Variants in PRH1 observed in about 807,000 individuals in gnomAD.
PRH1 encodes proline rich protein HaeIII subfamily 1.
A neutral mutation model predicts 7.9 loss-of-function variants in PRH1; 7 were observed. The observed-to-expected ratio is 0.89, with a 90% CI of 0.50 to 1.67. The LOEUF (loss-of-function observed/expected upper bound fraction) is 1.67. Among genes scored for constraint, PRH1 ranks in the 40% most tolerant of loss-of-function variants. The pLI, the probability that PRH1 is intolerant of heterozygous loss-of-function variation, is 0.00. For synonymous variants in PRH1, 45 were observed against 80.8 expected (o/e 0.56, Z 2.38); for missense variants, 109 against 223.6 (o/e 0.49, Z 3.27).
chr12:10,913,854 TTG>T (rs1949935530), intron 2 of PRH1, among the ~76,000 whole-genome samples: 1 of 152,214 alleles, frequency 6.6e-6, no homozygotes, highest in Admixed American at 6.5e-5. Context: ...CTGGATTCTT[TTG>T]TGACCACTAT....
chr12:11,059,606 A>C (rs1943503729), intron 1 of PRH1, among the ~76,000 whole-genome samples: 1 of 136,620 alleles, frequency 7.3e-6, no homozygotes, highest in South Asian at 2.2e-4. Context: ...AAAATATTGT[A>C]ATAGGCGCCA....
At chr12:10,931,494 T>C (rs1005616272) in intron 2 of PRH1, among the ~76,000 whole-genome samples, 2 of 152,212 alleles carry the variant, frequency 1.3e-5, no homozygotes, top group African/African-American at 4.8e-5. Flanking sequence ...CTTGGACTTT[T>C]AGCTGTTAAA....
chr12:11,017,487 T>TAA (rs57570812), intron 1 of PRH1, among the ~76,000 whole-genome samples: 34,383 of 151,844 alleles, frequency 0.23, 3,934 homozygotes, highest in Non-Finnish European at 0.24. Flanking sequence ...ATTAATTAAT[T>TAA]TATTTATTTA....
chr12:10,964,900 C>T, intron 2 of PRH1: 1 of 574,754 alleles, frequency 1.7e-6, no homozygotes, highest in South Asian at 1.7e-5. Context: ...TCCACATACT[C>T]TCATCCATGT....
upstream of PRH1, among the ~76,000 whole-genome samples, chr12:10,888,388 C>G (rs1949524656): frequency 6.6e-6 from 1 of 152,196 alleles, no homozygotes; most frequent in African/African-American, 2.4e-5. Flanking sequence ...CCCATCTAGA[C>G]CTGGTTTGGC....
intron 1 of PRH1, among the ~76,000 whole-genome samples, chr12:11,052,311 C>T (rs1279129026): frequency 6.6e-6 from 1 of 152,244 alleles, no homozygotes; most frequent in Non-Finnish European, 1.5e-5. Flanking sequence ...TGAAGGTCTA[C>T]TACTCTTTGG....
chr12:11,097,181 G>A lies in PRH1; in HGVS notation n.124-49993C>T, dbSNP rs528527313. 35 of 216,524 alleles carry A rather than the reference G, an allele frequency of 1.6e-4. 11 individuals are homozygous for A. The highest frequency in any genetic ancestry group is 9.4e-4 in the African/African-American group (35 of 37,050). The allele number at this position is 216,524 out of a possible 1,614,324, so 13.4% of individuals were successfully genotyped here. A position where few individuals can be genotyped will look rare whatever the true frequency, so the allele number is the denominator to read the frequency against. On this transcript the variant is annotated intron_variant and non_coding_transcript_variant, in intron 1 of 4. Coordinates refer to the PRH1 transcript ENST00000541977. ...TCAAATAGTAAAACATTACTTACGA[G>A]TTTATCAACAAATGAAGGACATCTG...
intron 1 of PRH1, among the ~76,000 whole-genome samples, chr12:11,156,364 T>C (rs893257417): frequency 2.6e-5 from 4 of 152,022 alleles, no homozygotes; most frequent in Non-Finnish European, 5.9e-5. Flanking sequence ...GTCTGAGGTT[T>C]GTTGGTTTCT....
At chr12:10,999,773 C>T (rs899397220) in intron 1 of PRH1, among the ~76,000 whole-genome samples, 7 of 152,128 alleles carry the variant, frequency 4.6e-5, no homozygotes, top group African/African-American at 1.7e-4. Flanking sequence ...ACCCTAAACT[C>T]CACAGCTTGG....
intron 1 of PRH1, among the ~76,000 whole-genome samples, chr12:11,072,009 CTTT>C (rs1944092840): frequency 6.6e-6 from 1 of 152,060 alleles, no homozygotes; most frequent in South Asian, 2.1e-4. Flanking sequence ...AGGCCTCACT[CTTT>C]TTAACTGGAT....
chr12:11,149,326 T>C (rs1208042464), intron 1 of PRH1, among the ~76,000 whole-genome samples: 2 of 152,224 alleles, frequency 1.3e-5, no homozygotes, highest in Non-Finnish European at 1.5e-5. Context: ...TGCCTTCTGC[T>C]AGCTTTTGAA....
chr12:11,123,659 G>A (rs1945995059), intron 1 of PRH1, among the ~76,000 whole-genome samples: 1 of 151,958 alleles, frequency 6.6e-6, no homozygotes, highest in South Asian at 2.1e-4. Flanking sequence ...CAGAACTCCA[G>A]AAGTATGTTA....
At chr12:10,894,584 C>T (rs1355317240) in intron 2 of PRH1, among the ~76,000 whole-genome samples, 1 of 152,050 alleles carries the variant, frequency 6.6e-6, no homozygotes, top group East Asian at 1.9e-4. Context: ...TATATACACT[C>T]TATACACATA....
At chr12:10,979,792 CAG>C (rs1939268086) in intron 1 of PRH1, among the ~76,000 whole-genome samples, 1 of 152,126 alleles carries the variant, frequency 6.6e-6, no homozygotes, top group Non-Finnish European at 1.5e-5. Context: ...TTTTTGAAGA[CAG>C]AGTCTATAAA....
Position 10,930,983 on chromosome 12 carries a change from C to G in PRH1, c.-59+42672G>C, listed in dbSNP as rs1300694649. The G allele has an allele frequency of 1.9e-6, 3 of 1,596,544 alleles. No individual in the cohort carries two copies. In the African/African-American group the frequency reaches 4.0e-5, roughly 21 times the overall value. The stretch of plus-strand genomic sequence containing the variant: ...GGCCATCAGCAAGGTCCTCCCCCAC[C>G]TCCTCCTGGAAAGCCCCAGGGACCA... On this transcript the variant is annotated intron_variant, in intron 2 of 3. Coordinates refer to the PRH1 transcript ENST00000539853.
At chr12:11,133,099 T>C (rs1245675983) in intron 1 of PRH1, 2 of 652,168 alleles carry the variant, frequency 3.1e-6, no homozygotes, top group Non-Finnish European at 2.2e-6. Context: ...CATGTTATTG[T>C]CAATGTTCTT....
intron 1 of PRH1, among the ~76,000 whole-genome samples, chr12:11,017,471 A>AAATC (rs1941348064): frequency 7.1e-6 from 1 of 139,946 alleles, no homozygotes. Context: ...ACATGTTGAA[A>AAATC]AATCAATTAA....
intron 1 of PRH1, chr12:11,091,651 T>C (rs182439595): frequency 1.6e-6 from 2 of 1,244,608 alleles, no homozygotes; most frequent in African/African-American, 1.6e-5. Flanking sequence ...GCATAAAAGA[T>C]AGTAGGGTCA....
At chr12:11,049,061 A>G (rs1232965192), upstream of PRH1, 9 of 333,082 alleles carry the variant, frequency 2.7e-5, no homozygotes, top group South Asian at 7.0e-5. Flanking sequence ...TTGCATACCA[A>G]TGTAATAATA....
Sources: gnomAD v4.1 joint callset for allele counts (sites outside exome capture counted in the v4.1 genomes callset) on GRCh38, gnomAD v4.1.1 for gene constraint, MANE v1.5 for transcripts, NCBI Gene and HGNC (gene_info 2026-07-23, HGNC 2026-07-21) for gene names.